Variants in KCND2 observed in about 807,000 individuals in gnomAD.
KCND2 encodes the protein potassium voltage-gated channel subfamily D member 2, also known as A-type voltage-gated potassium channel KCND2.
Under a neutral mutation model 54.4 loss-of-function variants are expected in KCND2, and 16 were observed. That is an observed-to-expected ratio of 0.29 (90% CI 0.20 to 0.45). The LOEUF (loss-of-function observed/expected upper bound fraction) is 0.45, where lower values mean the gene tolerates loss of function less well. Among genes scored for constraint, KCND2 ranks in the 20% least tolerant of loss-of-function variants. KCND2 has a pLI of 1.00. For missense variants in KCND2, 486 were observed against 824.2 expected, an observed-to-expected ratio of 0.59 and a Z score of 5.02; for synonymous variants, 317 against 310.7, an observed-to-expected ratio of 1.02 and a Z score of -0.21.
intron 1 of KCND2, among the ~76,000 whole-genome samples, chr7:120,289,395 G>A (rs1460745274): frequency 1.3e-5 from 2 of 151,686 alleles, no homozygotes; most frequent in African/African-American, 4.8e-5. Context: ...AAACAGCCAG[G>A]GCTAACCAAC....
At chr7:120,583,921 C>T (rs1406131232) in intron 1 of KCND2, among the ~76,000 whole-genome samples, 2 of 152,160 alleles carry the variant, frequency 1.3e-5, no homozygotes, top group African/African-American at 4.8e-5. Context: ...ATCAGTCATC[C>T]ACCCTAATGT....
At chr7:120,303,610 C>T (rs1227009728) in intron 1 of KCND2, among the ~76,000 whole-genome samples, 2 of 152,192 alleles carry the variant, frequency 1.3e-5, no homozygotes, top group African/African-American at 2.4e-5. Flanking sequence ...CATTTCCCAA[C>T]TTCATGCTCT....
intron 1 of KCND2, among the ~76,000 whole-genome samples, chr7:120,289,254 G>A (rs1415098818): frequency 6.6e-6 from 1 of 151,882 alleles, no homozygotes; most frequent in Non-Finnish European, 1.5e-5. Flanking sequence ...CATGCTGTCC[G>A]CTGACTGTCC....
intron 1 of KCND2, among the ~76,000 whole-genome samples, chr7:120,626,164 A>G (rs1333403036): frequency 1.3e-5 from 2 of 152,146 alleles, no homozygotes; most frequent in Non-Finnish European, 2.9e-5. Context: ...CTTCATAAAT[A>G]CATAGTTTGT....
chr7:120,747,420 C>G (rs1793020652), intron 5 of KCND2, among the ~76,000 whole-genome samples: 1 of 152,000 alleles, frequency 6.6e-6, no homozygotes, highest in South Asian at 2.1e-4. Flanking sequence ...CTCTTTCTTT[C>G]TTACATTTTT....
intron 1 of KCND2, among the ~76,000 whole-genome samples, chr7:120,725,190 G>A (rs1472164304): frequency 6.6e-6 from 1 of 152,136 alleles, no homozygotes; most frequent in Non-Finnish European, 1.5e-5. Context: ...TGAGAATGTT[G>A]AGTAGATGTG....
In KCND2 at chr7:120,742,706, T is replaced by A. The variant is rs142304389; in HGVS notation, c.1467+104T>A. 168 of 877,288 alleles carry A rather than the reference T, an allele frequency of 1.9e-4. No individual in the cohort carries two copies. In the African/African-American group the frequency reaches 2.3e-3, roughly 12 times the overall value. 54.3% of individuals were successfully genotyped at this position (877,288 alleles called of 1,614,324 possible). On this transcript the variant is annotated intron_variant, in intron 4 of 5. Transcript: ENST00000331113. ...AGTGTGATTTCACTGTCTGCATTAC[T>A]GGAAAACATGCTAAAAAACAAACAA...
intron 1 of KCND2, among the ~76,000 whole-genome samples, chr7:120,363,391 C>G (rs1157925972): frequency 6.6e-6 from 1 of 152,092 alleles, no homozygotes; most frequent in Non-Finnish European, 1.5e-5. Flanking sequence ...AAAATCTCCT[C>G]TAACCACATT....
At chr7:120,598,716 A>AC (rs1423994222) in intron 1 of KCND2, among the ~76,000 whole-genome samples, 1 of 152,124 alleles carries the variant, frequency 6.6e-6, no homozygotes, top group Non-Finnish European at 1.5e-5. Context: ...TTGTCTGTAT[A>AC]CATTTCTTTA....
intron 1 of KCND2, among the ~76,000 whole-genome samples, chr7:120,346,292 C>A (rs2116374687): frequency 6.6e-6 from 1 of 152,166 alleles, no homozygotes; most frequent in Non-Finnish European, 1.5e-5. Context: ...GTTGCCTTTT[C>A]ACTTTGTTGA....
intron 1 of KCND2, among the ~76,000 whole-genome samples, chr7:120,556,410 C>G (rs530080058): frequency 7.9e-5 from 12 of 152,118 alleles, no homozygotes; most frequent in Non-Finnish European, 1.5e-4. Context: ...GAGAAGAGAA[C>G]TCAATAAAGA....
intron 1 of KCND2, among the ~76,000 whole-genome samples, chr7:120,435,546 A>G (rs73433885): frequency 0.023 from 3,457 of 152,206 alleles, 142 homozygotes; most frequent in African/African-American, 0.079. Flanking sequence ...TCTAAGGGAA[A>G]CAGTATAAAG....
At chr7:120,724,777 G>A (rs1056538730) in intron 1 of KCND2, among the ~76,000 whole-genome samples, 1 of 152,030 alleles carries the variant, frequency 6.6e-6, no homozygotes, top group African/African-American at 2.4e-5. Flanking sequence ...TCCCTAGTGG[G>A]TTTTTTTGTT....
chr7:120,604,428 G>A (rs1365449545), intron 1 of KCND2, among the ~76,000 whole-genome samples: 3 of 150,898 alleles, frequency 2.0e-5, no homozygotes, highest in Admixed American at 6.6e-5. Flanking sequence ...AACCCGGGGC[G>A]GGCAGTGGAG....
rs74914740 is a variant in KCND2, at chr7:120,741,047, TAAA to T, written c.1279-474_1279-472del. On this transcript the variant is annotated intron_variant, in intron 2 of 5. Coordinates refer to ENST00000331113, the MANE Select transcript of KCND2 (RefSeq NM_012281.3). ...GCAGATATAGATGAATAATGATTCT[TAAA>T]AAAAAAAAAAAAGAAAGGAAGGAAG... 1.2e-3 allele frequency among the ~76,000 whole-genome samples: 168 copies of T among 136,700 alleles called. 2 individuals are homozygous for T. The highest frequency in any genetic ancestry group is 3.6e-3 in the African/African-American group (137 of 38,390). The allele number at this position is 136,700 out of a possible 152,430, so 89.7% of individuals were successfully genotyped here. A position where few individuals can be genotyped will look rare whatever the true frequency, so the allele number is the denominator to read the frequency against.
chr7:120,401,290 C>CT (rs945602433), intron 1 of KCND2, among the ~76,000 whole-genome samples: 1 of 152,074 alleles, frequency 6.6e-6, no homozygotes, highest in Non-Finnish European at 1.5e-5. Context: ...ACAAACCTGT[C>CT]TTTTTTCAGT....
At chr7:120,524,880 G>T (rs1039717040) in intron 1 of KCND2, among the ~76,000 whole-genome samples, 1 of 152,152 alleles carries the variant, frequency 6.6e-6, no homozygotes, top group South Asian at 2.1e-4. Context: ...TGTGTTCAAC[G>T]TCGGGATAGG....
At chr7:120,612,458 A>T (rs923425354) in intron 1 of KCND2, among the ~76,000 whole-genome samples, 10 of 152,256 alleles carry the variant, frequency 6.6e-5, no homozygotes, top group Non-Finnish European at 1.5e-4. Context: ...TAAATAAATG[A>T]TGAAGGAATA....
intron 1 of KCND2, among the ~76,000 whole-genome samples, chr7:120,377,350 T>C (rs1042191683): frequency 1.3e-5 from 2 of 151,968 alleles, no homozygotes; most frequent in Non-Finnish European, 2.9e-5. Context: ...GAAGGCAAAC[T>C]ACTAGAAGTG....
Sources: gnomAD v4.1 joint callset for allele counts (sites outside exome capture counted in the v4.1 genomes callset) on GRCh38, gnomAD v4.1.1 for gene constraint, MANE v1.5 for transcripts, NCBI Gene and HGNC (gene_info 2026-07-23, HGNC 2026-07-21) for gene names.